ITPR1: variants seen among roughly 807,000 people sequenced by gnomAD.
ITPR1 encodes inositol 1,4,5-trisphosphate receptor type 1.
A neutral mutation model predicts 318.4 loss-of-function variants in ITPR1; 96 were observed. That is an observed-to-expected ratio of 0.30 (90% CI 0.26 to 0.36). The LOEUF (loss-of-function observed/expected upper bound fraction) is 0.36, where lower values mean the gene tolerates loss of function less well. ITPR1 is among the 10% of genes least tolerant of loss of function. The probability of loss-of-function intolerance (pLI) is 1.00; values close to 1 mark genes in which losing one functional copy is unlikely to be tolerated. For missense variants in ITPR1, 2,440 were observed against 3,460.2 expected (o/e 0.71, Z 7.40); for synonymous variants, 1,312 against 1,289.9 (o/e 1.02, Z -0.37).
rs570609315 is a variant in ITPR1 at position 4,768,544 on chromosome 3, T to C, written c.5759T>C (p.Val1920Ala). 6.2e-7 allele frequency: 1 copy of C among 1,613,508 alleles called. No individual in the cohort carries two copies. The highest frequency in any genetic ancestry group is 1.1e-5 in the South Asian group (1 of 91,024). Residue 1920 changes from valine to alanine, a missense_variant, in exon 46 of 62, where the codon GTC (valine) becomes GCC (alanine). Around this residue, in one of 23 missense-constraint regions of ITPR1, gnomAD observed 113 missense variants for 103.6 expected, o/e 1.09. Transcript: ENST00000649015. ...CCCACAACACAGATAACAGAAGAGG[T>C]CCGGGATCAGCTCCTGGAGGCCTCC... ...KEPTTQITEE[V>A]RDQLLEASAA...
At chr3:4,555,377 A>G (rs1002261954) in intron 4 of ITPR1, among the ~76,000 whole-genome samples, 3 of 152,184 alleles carry the variant, frequency 2.0e-5, no homozygotes, top group Admixed American at 6.5e-5. Flanking sequence ...TCTTTCCAGG[A>G]TGTTTCCTAT....
At chr3:4,835,927 T>C (rs899135698) in intron 60 of ITPR1, among the ~76,000 whole-genome samples, 2 of 152,048 alleles carry the variant, frequency 1.3e-5, no homozygotes, top group Non-Finnish European at 1.5e-5. Flanking sequence ...CTTAGGCTAG[T>C]TGCCAGCACC....
chr3:4,733,547 C>T (rs1032422002), intron 43 of ITPR1, among the ~76,000 whole-genome samples: 2 of 152,056 alleles, frequency 1.3e-5, no homozygotes, highest in Non-Finnish European at 2.9e-5. Flanking sequence ...CTTGTCTTTC[C>T]GTAAAATAAT....
chr3:4,632,557 A>G (rs1172348886), intron 5 of ITPR1, among the ~76,000 whole-genome samples: 2 of 152,198 alleles, frequency 1.3e-5, no homozygotes, highest in South Asian at 4.1e-4. Flanking sequence ...ATAAAAATCC[A>G]TGCTTTTAGT....
At chr3:4,773,869 T>C (rs1269695211) in intron 46 of ITPR1, among the ~76,000 whole-genome samples, 1 of 152,202 alleles carries the variant, frequency 6.6e-6, no homozygotes. Flanking sequence ...CAAAAGGGAT[T>C]TGGGTTAAGT....
At chr3:4,654,046 G>A (rs1300654249) in intron 12 of ITPR1, among the ~76,000 whole-genome samples, 160 bp downstream of exon 12, 1 of 152,156 alleles carries the variant, frequency 6.6e-6, no homozygotes, top group African/African-American at 2.4e-5. Context: ...TCCCTTGAGA[G>A]GGACCATAGT....
chr3:4,653,749 G>A, intron 11 of ITPR1, 93 bp from the exon 12 acceptor site: 1 of 824,712 alleles, frequency 1.2e-6, no homozygotes, highest in Non-Finnish European at 2.0e-6. Context: ...GCTGTTCAAG[G>A]ATGTTTGCAG....
At chr3:4,656,765 A>G (rs1041532845) in intron 12 of ITPR1, among the ~76,000 whole-genome samples, 5 of 152,144 alleles carry the variant, frequency 3.3e-5, no homozygotes, top group African/African-American at 1.2e-4. Context: ...CTGTCTGGAA[A>G]GGGGGCAGAG....
At chr3:4,802,113 A>G (rs930994264) in intron 54 of ITPR1, among the ~76,000 whole-genome samples, 6 of 152,220 alleles carry the variant, frequency 3.9e-5, no homozygotes, top group Non-Finnish European at 5.9e-5. Flanking sequence ...ATCCGCATGA[A>G]AAATGCTGAG....
chr3:4,812,020 A>G (rs1039711147), intron 56 of ITPR1, among the ~76,000 whole-genome samples: 1 of 150,320 alleles, frequency 6.7e-6, no homozygotes, highest in Non-Finnish European at 1.5e-5. Flanking sequence ...GGATAACTAT[A>G]GTAGGATCAC....
intron 44 of ITPR1, among the ~76,000 whole-genome samples, chr3:4,742,925 A>G (rs2043814366): frequency 6.6e-6 from 1 of 152,210 alleles, no homozygotes; most frequent in Admixed American, 6.5e-5. Flanking sequence ...CAATTGACCC[A>G]AGTCCTTCTG....
intron 39 of ITPR1, among the ~76,000 whole-genome samples, chr3:4,713,087 A>T (rs2041503669): frequency 1.3e-5 from 2 of 152,136 alleles, no homozygotes; most frequent in Admixed American, 1.3e-4. Flanking sequence ...AAAAGAAAAA[A>T]GGTGGGGGGT....
At chr3:4,507,961 C>T (rs574960598) in intron 2 of ITPR1, among the ~76,000 whole-genome samples, 1 of 152,038 alleles carries the variant, frequency 6.6e-6, no homozygotes, top group African/African-American at 2.4e-5. Context: ...GAGTGTTTTG[C>T]GTGTGTCTTG....
In ITPR1 at chr3:4,835,118, G is replaced by A. The variant is rs552846246; in HGVS notation, c.8029-1656G>A. 2.1e-3 allele frequency among the ~76,000 whole-genome samples: 188 copies of A among 90,896 alleles called. 1 individual carries two copies. Among genetic ancestry groups the A allele is most frequent in the Middle Eastern group, 0.018 (4 of 218 alleles). The allele number at this position is 90,896 out of a possible 152,430, so 59.6% of individuals were successfully genotyped here. A position where few individuals can be genotyped will look rare whatever the true frequency, so the allele number is the denominator to read the frequency against. On this transcript the variant is annotated intron_variant, in intron 60 of 61. Coordinates refer to ENST00000649015, the MANE Select transcript of ITPR1 (RefSeq NM_001378452.1). The stretch of plus-strand genomic sequence containing the variant: ...CAAACTAGTGACTGTGACCCTGCCC[G>A]CCCACCCACCAGTATCTTAAGCAAA...
At chr3:4,510,491 A>G (rs304038) in intron 2 of ITPR1, among the ~76,000 whole-genome samples, 56,507 of 152,010 alleles carry the variant, frequency 0.37, 10,632 homozygotes, top group Admixed American at 0.42. Context: ...GGGCAAGGGA[A>G]CTAGAAGAAT....
intron 39 of ITPR1, among the ~76,000 whole-genome samples, chr3:4,712,270 C>T (rs1317512027): frequency 6.6e-6 from 1 of 152,202 alleles, no homozygotes; most frequent in Non-Finnish European, 1.5e-5. Flanking sequence ...TTGCGCAATC[C>T]TTTCAGTGCA....
intron 53 of ITPR1, among the ~76,000 whole-genome samples, chr3:4,798,988 T>C (rs972079609): frequency 3.3e-5 from 5 of 152,214 alleles, no homozygotes; most frequent in East Asian, 1.9e-4. Flanking sequence ...GTGATAAAAA[T>C]GTTCTGTATC....
In ITPR1 at chr3:4,826,150, T is replaced by C. The variant is rs2050062422; in HGVS notation, c.8028+7908T>C. Reference sequence around the variant, plus strand: ...GCTCCTGGCTGTTGATAAAGTGCCGTGGACACCTTCTGCTTCGTGCAGATG... The same window carrying C: ...GCTCCTGGCTGTTGATAAAGTGCCGCGGACACCTTCTGCTTCGTGCAGATG... On this transcript the variant is annotated intron_variant, in intron 60 of 61. Coordinates refer to ENST00000649015, the MANE Select transcript of ITPR1 (RefSeq NM_001378452.1). The surrounding 1 kb of genome is among the most constrained non-coding windows in gnomAD (Gnocchi z 4.2). Among the ~76,000 whole-genome samples the C allele has an allele frequency of 1.3e-5, 2 of 152,384 alleles. No homozygotes were observed. The highest frequency in any genetic ancestry group is 2.9e-5 in the Non-Finnish European group (2 of 68,036).
At chr3:4,772,124 A>G (rs2046227799) in intron 46 of ITPR1, among the ~76,000 whole-genome samples, 2 of 152,200 alleles carry the variant, frequency 1.3e-5, no homozygotes, top group South Asian at 4.1e-4. Context: ...CACTTCTCCA[A>G]AGAATAGTTT....
Sources: gnomAD v4.1 joint callset for allele counts (sites outside exome capture counted in the v4.1 genomes callset) on GRCh38, gnomAD v4.1.1 for gene constraint, gnomAD v4.1.1 regional missense constraint, Gnocchi (gnomAD v3.1) non-coding constraint, MANE v1.5 for transcripts, NCBI Gene and HGNC (gene_info 2026-07-23, HGNC 2026-07-21) for gene names.